HGD: variants seen among roughly 807,000 people sequenced by gnomAD.
HGD encodes the protein homogentisate oxidase.
A neutral mutation model predicts 60.8 loss-of-function variants in HGD; 61 were observed. The observed-to-expected ratio is 1.00, with a 90% CI of 0.82 to 1.24. The LOEUF is 1.24. Among genes scored for constraint, HGD ranks in the 50% most tolerant of loss-of-function variants. The probability of loss-of-function intolerance (pLI) is 0.00; values close to 1 mark genes in which losing one functional copy is unlikely to be tolerated. For missense variants in HGD, 542 were observed against 547.1 expected (o/e 0.99, Z 0.09); for synonymous variants, 212 against 187.7 (o/e 1.13, Z -1.06).
At chr3:120,632,250 T>A (rs1420611018) in intron 13 of HGD, among the ~76,000 whole-genome samples, 1 of 152,218 alleles carries the variant, frequency 6.6e-6, no homozygotes, top group Non-Finnish European at 1.5e-5. Flanking sequence ...TTAGGTAGTT[T>A]GCAAGCATGA....
At chr3:120,673,171 T>C (rs2107552676) in intron 3 of HGD, among the ~76,000 whole-genome samples, 1 of 152,254 alleles carries the variant, frequency 6.6e-6, no homozygotes, top group African/African-American at 2.4e-5. Context: ...AATAGATGGG[T>C]GAGCCATACC....
At chr3:120,666,697 T>C (rs1348717822) in intron 4 of HGD, among the ~76,000 whole-genome samples, 3 of 151,936 alleles carry the variant, frequency 2.0e-5, no homozygotes, top group Admixed American at 1.3e-4. Context: ...GGTCAAGCTG[T>C]TCTCGATCTC....
chr3:120,659,318 G>A (rs757928819), intron 4 of HGD, among the ~76,000 whole-genome samples: 12 of 152,174 alleles, frequency 7.9e-5, no homozygotes, highest in African/African-American at 2.2e-4. Context: ...GGGCATAGGC[G>A]GTTAGAAGCA....
chr3:120,649,142 T>C (rs1440847784), intron 6 of HGD, among the ~76,000 whole-genome samples: 2 of 31,996 alleles, frequency 6.3e-5, no homozygotes, highest in African/African-American at 1.3e-4. Context: ...TCTTTTTCTT[T>C]TTTTTTTTTT....
chr3:120,636,576 A>G (rs955134234), intron 12 of HGD, among the ~76,000 whole-genome samples: 2 of 152,222 alleles, frequency 1.3e-5, no homozygotes, highest in African/African-American at 4.8e-5. Context: ...CAGGTCCTCT[A>G]GGTCACTAAC....
chr3:120,678,122 T>A (rs1708166957), intron 1 of HGD: 1 of 152,206 alleles, frequency 6.6e-6, no homozygotes, highest in Non-Finnish European at 1.5e-5. Context: ...AAATACTAAG[T>A]TGTATACTGA....
At position 120,633,223 on chromosome 3, in the gene HGD, T is replaced by TG. The variant is rs397515516; in HGVS notation, c.1111dup (p.His371ProfsTer4). On this transcript the variant is annotated frameshift_variant, in exon 13 of 14. Transcript: ENST00000283871. LOFTEE classifies it high-confidence loss of function. ...CTCAAAGCAGTCAGCATCAGGTCCA[T>TG]GGGGGGTCATTGTGCTGTGTAGACT... The TG allele has an allele frequency of 3.7e-6, 6 of 1,614,010 alleles. No individual in the cohort carries two copies. The highest frequency in any genetic ancestry group is 1.1e-5 in the South Asian group (1 of 91,074).
intron 11 of HGD, among the ~76,000 whole-genome samples, chr3:120,638,829 G>T (rs1940869280): frequency 6.6e-6 from 1 of 152,152 alleles, no homozygotes; most frequent in African/African-American, 2.4e-5. Flanking sequence ...ATCTCATCCT[G>T]AATTGTAGCT....
At chr3:120,634,478 C>T (rs531779182) in intron 12 of HGD, among the ~76,000 whole-genome samples, 4 of 152,202 alleles carry the variant, frequency 2.6e-5, no homozygotes, top group South Asian at 2.1e-4. Flanking sequence ...CCCACTTCAC[C>T]CATCTGCCCA....
intron 5 of HGD, 77 bp downstream of exon 5, chr3:120,652,515 T>A: frequency 9.4e-7 from 1 of 1,068,880 alleles, no homozygotes; most frequent in Admixed American, 1.7e-5. Context: ...TGCTTGGCAT[T>A]CAGGCTGCAA....
rs537053138 is a variant in HGD, at chr3:120,633,121, T to C, written c.1188+26A>G. ...TAAGGGTGGGGAGTTCAGAGGCCGC[T>C]GGAATGTGGCAGTTAACATACTTAC... is the stretch of plus-strand genomic sequence containing the variant. On this transcript the variant is annotated intron_variant, in intron 13 of 13. Transcript: ENST00000283871. 2.5e-6 allele frequency: 4 copies of C among 1,611,934 alleles called. No homozygotes were observed. In the South Asian group the frequency reaches 4.4e-5, roughly 18 times the overall value.
intron 11 of HGD, 85 bp from the exon 12 acceptor site, chr3:120,638,666 G>T: frequency 6.9e-7 from 1 of 1,451,266 alleles, no homozygotes; most frequent in Non-Finnish European, 9.6e-7. Context: ...ACATGAAGGT[G>T]TTTGCAAGTG....
intron 1 of HGD, among the ~76,000 whole-genome samples, chr3:120,677,552 G>T (rs1708154507): frequency 6.6e-6 from 1 of 152,156 alleles, no homozygotes; most frequent in Non-Finnish European, 1.5e-5. Flanking sequence ...TAAAAACCCT[G>T]TCTCCTGATA....
intron 6 of HGD, among the ~76,000 whole-genome samples, chr3:120,648,118 C>T (rs905753257): frequency 1.3e-5 from 2 of 152,136 alleles, no homozygotes; most frequent in South Asian, 4.1e-4. Flanking sequence ...AGAACAATAT[C>T]TTTGCAGACT....
At chr3:120,654,811 G>A (rs368896338) in intron 4 of HGD, among the ~76,000 whole-genome samples, 4 of 152,152 alleles carry the variant, frequency 2.6e-5, no homozygotes, top group South Asian at 2.1e-4. Context: ...GGTGGCTCAC[G>A]CCTGTAATTC....
At chr3:120,652,084 C>T (rs1478447606) in intron 5 of HGD, among the ~76,000 whole-genome samples, 1 of 152,094 alleles carries the variant, frequency 6.6e-6, no homozygotes, top group Non-Finnish European at 1.5e-5. Context: ...TATTTATGCT[C>T]ATACCAGAAT....
At chr3:120,652,718 T>C in intron 4 of HGD, 67 bp from the exon 5 acceptor site, 2 of 1,023,802 alleles carry the variant, frequency 2.0e-6, no homozygotes, top group Non-Finnish European at 3.0e-6. Context: ...TCTAAATAAA[T>C]AGCATCAATT....
intron 3 of HGD, among the ~76,000 whole-genome samples, chr3:120,673,601 G>A (rs1034542384): frequency 1.3e-5 from 2 of 152,060 alleles, no homozygotes; most frequent in Non-Finnish European, 2.9e-5. Flanking sequence ...CTCTTCCCAC[G>A]CATATATCTA....
chr3:120,633,231 C>T lies in HGD; in HGVS notation c.1104G>A (p.Met368Ile), dbSNP rs1315397365. ...AGTCAGCATCAGGTCCATGGGGGGT[C>T]ATTGTGCTGTGTAGACTCCCTCCCC... ...LPGGGSLHSTMTPHGPDADCF... is the reference protein window; with the variant it reads ...LPGGGSLHSTITPHGPDADCF... Residue 368 changes from methionine to isoleucine, a missense_variant, in exon 13 of 14, where the codon ATG (methionine) becomes ATA (isoleucine). Physicochemically the swap from Met to Ile is conservative, Grantham distance 10 (BLOSUM62 1). Coordinates refer to ENST00000283871, the MANE Select transcript of HGD (RefSeq NM_000187.4). 6.2e-7 allele frequency: 1 copy of T among 1,614,134 alleles called. No homozygotes were observed. The highest frequency in any genetic ancestry group is 8.5e-7 in the Non-Finnish European group (1 of 1,180,032).
Sources: gnomAD v4.1 joint callset for allele counts (sites outside exome capture counted in the v4.1 genomes callset) on GRCh38, gnomAD v4.1.1 for gene constraint, MANE v1.5 for transcripts, NCBI Gene and HGNC (gene_info 2026-07-23, HGNC 2026-07-21) for gene names.